Variants in ABCD2 observed in about 807,000 individuals in gnomAD.
ABCD2 encodes the protein ATP-binding cassette sub-family D member 2.
A neutral mutation model predicts 70.9 loss-of-function variants in ABCD2; 36 were observed. The observed-to-expected ratio is 0.51, with a 90% CI of 0.39 to 0.67. The LOEUF (loss-of-function observed/expected upper bound fraction) is 0.67, where lower values mean the gene tolerates loss of function less well. Among genes scored for constraint, ABCD2 ranks in the 30% least tolerant of loss-of-function variants. ABCD2 has a pLI of 0.00. For synonymous variants in ABCD2, 304 were observed against 306.9 expected, an observed-to-expected ratio of 0.99 and a Z score of 0.10; for missense variants, 729 against 890.2, an observed-to-expected ratio of 0.82 and a Z score of 2.30.
At chr12:39,589,378 G>T (rs1941711069) in intron 6 of ABCD2, among the ~76,000 whole-genome samples, 1 of 147,344 alleles carries the variant, frequency 6.8e-6, no homozygotes, top group Non-Finnish European at 1.5e-5. Context: ...GGAAGCTTTG[G>T]TCTGGGTTTT....
intron 8 of ABCD2, 85 bp from the exon 9 acceptor site, chr12:39,573,926 C>G: frequency 7.5e-7 from 1 of 1,328,536 alleles, no homozygotes; most frequent in Admixed American, 2.3e-5. Context: ...GCATTGCTAA[C>G]AATTTTAATG....
the ABCD2 span, among the ~76,000 whole-genome samples, chr12:39,532,376 C>T: frequency 6.6e-6 from 1 of 152,204 alleles, no homozygotes; most frequent in Non-Finnish European, 1.5e-5. Flanking sequence ...TGTTCAACAT[C>T]TCCAATAATC....
intron 9 of ABCD2, among the ~76,000 whole-genome samples, chr12:39,559,999 T>G (rs913629720): frequency 2.0e-5 from 3 of 152,202 alleles, no homozygotes; most frequent in Non-Finnish European, 4.4e-5. Context: ...AAAGGGGTTA[T>G]GTAAATCACT....
chr12:39,619,390 G>A lies in ABCD2; in HGVS notation c.226C>T (p.Pro76Ser). Reference protein sequence around the residue: ...LHCTETICEKPSPGVNADFFK... With the variant: ...LHCTETICEKSSPGVNADFFK... Reference sequence around the variant, plus strand: ...AAATCTGCATTCACTCCAGGCGAAGGTTTTTCACAAATGGTCTCGGTGCAA... The same window carrying A: ...AAATCTGCATTCACTCCAGGCGAAGATTTTTCACAAATGGTCTCGGTGCAA... The change falls in exon 1 of 10, where the codon CCT (proline) becomes TCT (serine). Residue 76 changes from proline (P) to serine (S), a missense_variant. Coordinates refer to ENST00000308666, the MANE Select transcript of ABCD2 (RefSeq NM_005164.4). 6.2e-7 allele frequency: 1 copy of A among 1,614,010 alleles called. No homozygotes were observed. The highest frequency in any genetic ancestry group is 8.5e-7 in the Non-Finnish European group (1 of 1,179,988).
chr12:39,561,668 T>C (rs896813277), intron 9 of ABCD2, among the ~76,000 whole-genome samples: 9 of 152,130 alleles, frequency 5.9e-5, no homozygotes, highest in Admixed American at 2.6e-4. Flanking sequence ...ATTCTGAATA[T>C]ATTTGAACCC....
At chr12:39,548,497 C>T (rs1321659865), downstream of ABCD2, among the ~76,000 whole-genome samples, 1 of 151,832 alleles carries the variant, frequency 6.6e-6, no homozygotes, top group Non-Finnish European at 1.5e-5. Flanking sequence ...ATTGCTTCAT[C>T]GGTCTTTGTC....
chr12:39,588,265 A>T (rs1941693678), intron 6 of ABCD2, among the ~76,000 whole-genome samples: 1 of 152,164 alleles, frequency 6.6e-6, no homozygotes, highest in South Asian at 2.1e-4. Flanking sequence ...TCAATTGTGG[A>T]CCCAAAAAGA....
chr12:39,535,088 T>A, the ABCD2 span, among the ~76,000 whole-genome samples: 2 of 152,186 alleles, frequency 1.3e-5, no homozygotes, highest in African/African-American at 2.4e-5. Context: ...CTTCTCTAAA[T>A]GGATTTTCTT....
chr12:39,563,210 T>G (rs1383104395), intron 9 of ABCD2, among the ~76,000 whole-genome samples: 1 of 152,120 alleles, frequency 6.6e-6, no homozygotes, highest in Non-Finnish European at 1.5e-5. Context: ...ACATCTATAC[T>G]GAAAAGGGAA....
At chr12:39,533,080 G>T in the ABCD2 span, among the ~76,000 whole-genome samples, 1 of 151,886 alleles carries the variant, frequency 6.6e-6, no homozygotes, top group South Asian at 2.1e-4. Flanking sequence ...CAGGAGAATC[G>T]CTTGAACCTG....
chr12:39,606,332 A>ATG (rs1941969046), intron 3 of ABCD2, among the ~76,000 whole-genome samples: 2 of 152,320 alleles, frequency 1.3e-5, no homozygotes, highest in South Asian at 4.1e-4. Flanking sequence ...CAGAGAAGGC[A>ATG]TGGTGGGTGC....
In ABCD2 at chr12:39,607,784, A is replaced by G. The variant is rs546139891; in HGVS notation, c.1121-70T>C. The G allele has an allele frequency of 2.9e-5, 29 of 992,388 alleles. No individual in the cohort carries two copies. In the East Asian group the frequency reaches 7.1e-4, roughly 24 times the overall value. 61.5% of individuals were successfully genotyped at this position (992,388 alleles called of 1,614,324 possible). On this transcript the variant is annotated intron_variant, in intron 2 of 9. Transcript: ENST00000308666. ...TTTTTTTAGTAACTTAATGTTTTAT[A>G]TTATACAAACTAAATTGTGGCTAAA...
At chr12:39,565,968 A>G (rs937118886) in intron 9 of ABCD2, among the ~76,000 whole-genome samples, 15 of 152,176 alleles carry the variant, frequency 9.9e-5, no homozygotes, top group African/African-American at 3.4e-4. Flanking sequence ...CTTGCATCCC[A>G]GGGATGAAGC....
chr12:39,587,490 A>G (rs1337430067), intron 6 of ABCD2, among the ~76,000 whole-genome samples: 1 of 152,200 alleles, frequency 6.6e-6, no homozygotes, highest in Non-Finnish European at 1.5e-5. Flanking sequence ...ATAATGCCAA[A>G]TGTCCCTGGG....
chr12:39,564,729 C>T (rs900147040), intron 9 of ABCD2, among the ~76,000 whole-genome samples: 7 of 152,022 alleles, frequency 4.6e-5, no homozygotes, highest in Non-Finnish European at 7.4e-5. Context: ...AATGGTATTG[C>T]CTAGGTTTTC....
intron 8 of ABCD2, among the ~76,000 whole-genome samples, chr12:39,578,073 G>C (rs1941544108): frequency 6.6e-6 from 1 of 152,194 alleles, no homozygotes; most frequent in South Asian, 2.1e-4. Flanking sequence ...TCTATAAAAT[G>C]TTACTACTTT....
chr12:39,544,324 T>G, the ABCD2 span, among the ~76,000 whole-genome samples: 1 of 152,100 alleles, frequency 6.6e-6, no homozygotes, highest in African/African-American at 2.4e-5. Flanking sequence ...AGCACTGATC[T>G]CAGGAGCAGT....
chr12:39,593,954 T>G (rs1941780655), intron 6 of ABCD2, among the ~76,000 whole-genome samples: 2 of 152,198 alleles, frequency 1.3e-5, no homozygotes, highest in African/African-American at 2.4e-5. Flanking sequence ...CACTTTCATA[T>G]GAGAATATAG....
At chr12:39,613,885 T>C in intron 2 of ABCD2, among the ~76,000 whole-genome samples, 1 of 152,228 alleles carries the variant, frequency 6.6e-6, no homozygotes, top group East Asian at 1.9e-4. Flanking sequence ...AGGTGGATAG[T>C]ACAGCAAATC....
Sources: allele counts gnomAD v4.1 joint callset (sites outside exome capture counted in the v4.1 genomes callset), GRCh38; gene constraint gnomAD v4.1.1; transcripts MANE v1.5; gene names NCBI Gene and HGNC (gene_info 2026-07-23, HGNC 2026-07-21).